PPARGC1A: variants seen among roughly 807,000 people sequenced by gnomAD.
PPARGC1A encodes PPARG coactivator 1 alpha.
A neutral mutation model predicts 88.7 loss-of-function variants in PPARGC1A; 25 were observed. The ratio of observed to expected loss-of-function variants is 0.28; its 90% CI spans 0.21 to 0.39. The LOEUF is 0.39. Among genes scored for constraint, PPARGC1A ranks in the 10% least tolerant of loss-of-function variants. The probability of loss-of-function intolerance (pLI) is 1.00; values close to 1 mark genes in which losing one functional copy is unlikely to be tolerated. For synonymous variants in PPARGC1A, 363 were observed against 355.6 expected, an observed-to-expected ratio of 1.02 and a Z score of -0.24; for missense variants, 880 against 968.7, an observed-to-expected ratio of 0.91 and a Z score of 1.22.
chr4:24,351,042 G>C, the PPARGC1A span, among the ~76,000 whole-genome samples: 1 of 152,000 alleles, frequency 6.6e-6, no homozygotes, highest in Non-Finnish European at 1.5e-5. Context: ...ATCAGCCTGG[G>C]CAACTTGGTG....
chr4:23,923,806 T>C, the PPARGC1A span, among the ~76,000 whole-genome samples: 1 of 152,228 alleles, frequency 6.6e-6, no homozygotes, highest in Non-Finnish European at 1.5e-5. Context: ...TTTGAAATCA[T>C]TTTCCAACTT....
At chr4:24,156,560 G>A in the PPARGC1A span, among the ~76,000 whole-genome samples, 1 of 152,082 alleles carries the variant, frequency 6.6e-6, no homozygotes, top group Non-Finnish European at 1.5e-5. Flanking sequence ...CAGCTGCAGA[G>A]TATATGCATT....
At chr4:24,078,893 TAC>T in the PPARGC1A span, among the ~76,000 whole-genome samples, 1 of 152,096 alleles carries the variant, frequency 6.6e-6, no homozygotes, top group South Asian at 2.1e-4. Flanking sequence ...TAACTCAAAA[TAC>T]AGTTTCCACT....
the PPARGC1A span, among the ~76,000 whole-genome samples, chr4:24,089,983 C>T: frequency 5.3e-5 from 8 of 152,154 alleles, no homozygotes; most frequent in Non-Finnish European, 1.0e-4. Context: ...TAAAGGGTCA[C>T]GGGATGCTGA....
chr4:24,457,671 A>T, the PPARGC1A span, among the ~76,000 whole-genome samples: 1 of 152,044 alleles, frequency 6.6e-6, no homozygotes, highest in African/African-American at 2.4e-5. Context: ...CAGCCTCCCG[A>T]GTAGCTGGGA....
chr4:24,435,108 C>T, the PPARGC1A span, among the ~76,000 whole-genome samples: 7 of 152,298 alleles, frequency 4.6e-5, no homozygotes, highest in East Asian at 7.7e-4. Context: ...TCTTTCTTCA[C>T]GCTGTTGGGC....
chr4:24,280,746 G>A, the PPARGC1A span, among the ~76,000 whole-genome samples: 1 of 152,142 alleles, frequency 6.6e-6, no homozygotes, highest in Non-Finnish European at 1.5e-5. Flanking sequence ...GAGAAAATGG[G>A]TTTCATTCCA....
At chr4:24,389,344 T>C in the PPARGC1A span, among the ~76,000 whole-genome samples, 7 of 152,204 alleles carry the variant, frequency 4.6e-5, no homozygotes, top group East Asian at 1.4e-3. Context: ...ATTTTGCTTA[T>C]ACTATAAAGG....
chr4:24,070,378 A>G, the PPARGC1A span, among the ~76,000 whole-genome samples: 3 of 152,194 alleles, frequency 2.0e-5, no homozygotes. Context: ...CATGATGGCA[A>G]ACATATCTGG....
At chr4:24,312,333 C>A in the PPARGC1A span, among the ~76,000 whole-genome samples, 1 of 152,038 alleles carries the variant, frequency 6.6e-6, no homozygotes, top group Non-Finnish European at 1.5e-5. Flanking sequence ...TCATCCTGGA[C>A]TATAATCCTC....
the PPARGC1A span, among the ~76,000 whole-genome samples, chr4:24,448,190 T>C: frequency 6.6e-6 from 1 of 152,218 alleles, no homozygotes; most frequent in Non-Finnish European, 1.5e-5. Flanking sequence ...GTAATCTAAC[T>C]TGATGAAACA....
At chr4:24,204,471 G>T in the PPARGC1A span, among the ~76,000 whole-genome samples, 2 of 151,768 alleles carry the variant, frequency 1.3e-5, no homozygotes, top group South Asian at 4.2e-4. Flanking sequence ...GACAGGGAAG[G>T]AAGGGAGGAG....
the PPARGC1A span, among the ~76,000 whole-genome samples, chr4:23,946,115 T>C: frequency 2.6e-5 from 4 of 152,170 alleles, no homozygotes. Flanking sequence ...GCACAGGGAA[T>C]GAATCTCACT....
chr4:24,212,556 G>A, the PPARGC1A span, among the ~76,000 whole-genome samples: 4 of 152,254 alleles, frequency 2.6e-5, no homozygotes, highest in Admixed American at 6.5e-5. Context: ...AATGCCTGGT[G>A]CCTGGTATAC....
At chr4:24,046,212 A>G in the PPARGC1A span, among the ~76,000 whole-genome samples, 1 of 152,196 alleles carries the variant, frequency 6.6e-6, no homozygotes, top group African/African-American at 2.4e-5. Flanking sequence ...GGAGTCAGGA[A>G]AACAAAAAAG....
chr4:24,458,771 C>T, the PPARGC1A span, among the ~76,000 whole-genome samples: 7 of 152,084 alleles, frequency 4.6e-5, no homozygotes, highest in Non-Finnish European at 8.8e-5. Context: ...GTTCTATTAA[C>T]ATACAATGGG....
At chr4:24,283,700 C>T in the PPARGC1A span, among the ~76,000 whole-genome samples, 3 of 152,066 alleles carry the variant, frequency 2.0e-5, no homozygotes, top group Non-Finnish European at 4.4e-5. Context: ...GAAGCAGAGG[C>T]CCTGGGCCCA....
chr4:24,196,515 AG>A, the PPARGC1A span, among the ~76,000 whole-genome samples: 1 of 152,346 alleles, frequency 6.6e-6, no homozygotes, highest in Non-Finnish European at 1.5e-5. Context: ...ATCTTTACAA[AG>A]CAAAGCAAAG....
At chr4:24,154,067 G>A in the PPARGC1A span, among the ~76,000 whole-genome samples, 1 of 152,194 alleles carries the variant, frequency 6.6e-6, no homozygotes, top group Non-Finnish European at 1.5e-5. Flanking sequence ...CTTTTCCCAT[G>A]CAGACACTTG....
Sources: allele counts gnomAD v4.1 joint callset (sites outside exome capture counted in the v4.1 genomes callset), GRCh38; gene constraint gnomAD v4.1.1; transcripts MANE v1.5; gene names NCBI Gene and HGNC (gene_info 2026-07-23, HGNC 2026-07-21).